Variants in TLL2 observed in about 807,000 individuals in gnomAD.
TLL2 encodes tolloid like 2.
In TLL2, 106 loss-of-function variants were observed where a neutral mutation model predicts 123.0. That is an observed-to-expected ratio of 0.86 (90% CI 0.74 to 1.01). The LOEUF (loss-of-function observed/expected upper bound fraction) is 1.01. Among genes scored for constraint, TLL2 ranks in the 50% least tolerant of loss-of-function variants. TLL2 has a pLI of 0.00. For synonymous variants in TLL2, 494 were observed against 516.8 expected (o/e 0.96, Z 0.60); for missense variants, 1,332 against 1,336.7 (o/e 1.00, Z 0.06).
intron 3 of TLL2, among the ~76,000 whole-genome samples, chr10:96,445,538 C>T (rs1427926654): frequency 6.6e-6 from 1 of 152,178 alleles, no homozygotes; most frequent in Admixed American, 6.5e-5. Context: ...CTACACCTCC[C>T]CCACAATCCC....
At chr10:96,397,594 G>A (rs536969954) in intron 10 of TLL2, among the ~76,000 whole-genome samples, 1 of 152,226 alleles carries the variant, frequency 6.6e-6, no homozygotes, top group Non-Finnish European at 1.5e-5. Flanking sequence ...GTGTTGCTGA[G>A]GCTCTGAAGG....
intron 18 of TLL2, among the ~76,000 whole-genome samples, chr10:96,375,075 C>T (rs1846125514): frequency 6.6e-6 from 1 of 151,962 alleles, no homozygotes; most frequent in Non-Finnish European, 1.5e-5. Context: ...AGAAGAATGA[C>T]TCCCACACAC....
At chr10:96,508,235 C>A (rs1436221543) in intron 1 of TLL2, among the ~76,000 whole-genome samples, 2 of 152,232 alleles carry the variant, frequency 1.3e-5, no homozygotes, top group African/African-American at 4.8e-5. Context: ...CCACTCTGGG[C>A]ACTTTTAGGA....
chr10:96,467,599 A>G (rs572665268), intron 2 of TLL2, among the ~76,000 whole-genome samples: 144 of 152,224 alleles, frequency 9.5e-4, no homozygotes, highest in Non-Finnish European at 1.5e-3. Flanking sequence ...GGTAAGAAAC[A>G]TTTTTTCTAT....
chr10:96,397,917 C>T (rs1310645796), intron 10 of TLL2, among the ~76,000 whole-genome samples: 1 of 152,152 alleles, frequency 6.6e-6, no homozygotes, highest in African/African-American at 2.4e-5. Flanking sequence ...GACCCATTCC[C>T]CATCTCACCT....
chr10:96,486,972 C>A (rs1188108996), intron 1 of TLL2, among the ~76,000 whole-genome samples: 1 of 152,214 alleles, frequency 6.6e-6, no homozygotes, highest in Non-Finnish European at 1.5e-5. Flanking sequence ...CAGGCTGATT[C>A]CCTTGCAGGG....
At chr10:96,424,786 A>G (rs1846663076) in intron 5 of TLL2, among the ~76,000 whole-genome samples, 1 of 151,828 alleles carries the variant, frequency 6.6e-6, no homozygotes, top group Non-Finnish European at 1.5e-5. Context: ...TTTTTTTTGC[A>G]TTATAAAAGT....
At chr10:96,468,582 C>T (rs571830646) in intron 2 of TLL2, among the ~76,000 whole-genome samples, 11 of 152,330 alleles carry the variant, frequency 7.2e-5, no homozygotes, top group Admixed American at 2.0e-4. Flanking sequence ...GATTCTGTAT[C>T]TCACAACTAA....
At chr10:96,478,339 C>T (rs1847279585) in intron 2 of TLL2, among the ~76,000 whole-genome samples, 1 of 152,346 alleles carries the variant, frequency 6.6e-6, no homozygotes. Context: ...TTACTGGATC[C>T]TGCACAGACA....
At chr10:96,423,235 G>T (rs1280447546) in intron 5 of TLL2, among the ~76,000 whole-genome samples, 1 of 151,922 alleles carries the variant, frequency 6.6e-6, no homozygotes, top group Non-Finnish European at 1.5e-5. Flanking sequence ...TCCAAAAATG[G>T]TTCTTGAGCT....
intron 2 of TLL2, among the ~76,000 whole-genome samples, chr10:96,468,105 A>G (rs953142841): frequency 6.6e-6 from 1 of 152,146 alleles, no homozygotes; most frequent in Non-Finnish European, 1.5e-5. Context: ...CACCTCCCCA[A>G]ACCAGAAGCT....
At chr10:96,428,856 G>C in intron 4 of TLL2, 108 bp from the exon 5 acceptor site, 1 of 684,790 alleles carries the variant, frequency 1.5e-6, no homozygotes, top group Non-Finnish European at 2.4e-6. Context: ...CCAGGCTGGA[G>C]TGCAATAGTG....
chr10:96,410,122 T>C (rs1158924250), intron 9 of TLL2, among the ~76,000 whole-genome samples: 4 of 152,208 alleles, frequency 2.6e-5, no homozygotes, highest in Admixed American at 2.6e-4. Context: ...TGGAAGGAAC[T>C]GTGAGCTTGA....
rs72812961 is a variant in TLL2 at position 96,507,660 on chromosome 10, G to A, written c.175+5851C>T. 6.7e-3 allele frequency among the ~76,000 whole-genome samples: 1,021 copies of A among 152,266 alleles called. 8 individuals are homozygous for A. The highest frequency in any genetic ancestry group is 7.6e-3 in the Non-Finnish European group (519 of 68,022). ...AATCCTTATAGCAATCCTGAAAAGT[G>A]GATATTACTAGTTCTTTTTTTCCCT... is the stretch of plus-strand genomic sequence containing the variant. On this transcript the variant is annotated intron_variant, in intron 1 of 20. Transcript: ENST00000357947.
At chr10:96,460,197 T>A (rs759101081) in intron 2 of TLL2, among the ~76,000 whole-genome samples, 11 of 152,252 alleles carry the variant, frequency 7.2e-5, no homozygotes, top group Non-Finnish European at 1.6e-4. Context: ...CCATATTATA[T>A]AATTTGCCCA....
intron 10 of TLL2, among the ~76,000 whole-genome samples, chr10:96,401,733 C>T (rs1783693725): frequency 6.6e-6 from 1 of 152,222 alleles, no homozygotes; most frequent in South Asian, 2.1e-4. Flanking sequence ...ATCTCTCTGC[C>T]TGTGCCCATT....
At chr10:96,391,146 G>C (rs890509585) in intron 13 of TLL2, among the ~76,000 whole-genome samples, 1 of 152,176 alleles carries the variant, frequency 6.6e-6, no homozygotes, top group African/African-American at 2.4e-5. Context: ...AGTCTTGCAA[G>C]GGAGGCAGAG....
Position 96,434,366 on chromosome 10 carries a change from G to T in TLL2, c.365-1404C>A, listed in dbSNP as rs560904468. Among the ~76,000 whole-genome samples the T allele has an allele frequency of 2.0e-5, 3 of 152,134 alleles. No homozygotes were observed. The East Asian group carries it at 5.8e-4, about 29-fold the overall frequency. ...GTCACTCCCCATCTCTCCCTTTCCC[G>T]AGACCTTGGCAACCAGTAATCAACT... On this transcript the variant is annotated intron_variant, in intron 3 of 20. Transcript: ENST00000357947.
intron 7 of TLL2, among the ~76,000 whole-genome samples, chr10:96,413,722 G>A (rs1846529547): frequency 6.6e-6 from 1 of 152,160 alleles, no homozygotes; most frequent in Non-Finnish European, 1.5e-5. Context: ...CCACCCCAGG[G>A]AGAGCTTGGG....
Sources: gnomAD v4.1 joint callset for allele counts (sites outside exome capture counted in the v4.1 genomes callset) on GRCh38, gnomAD v4.1.1 for gene constraint, MANE v1.5 for transcripts, NCBI Gene and HGNC (gene_info 2026-07-23, HGNC 2026-07-21) for gene names.